The following COL6A5 variants were observed in gnomAD, a reference collection of about 807,000 sequenced individuals.
COL6A5 encodes collagen alpha-5(VI) chain.
A neutral mutation model predicts 65.6 loss-of-function variants in COL6A5; 48 were observed. The ratio of observed to expected loss-of-function variants is 0.73; its 90% CI spans 0.58 to 0.93. COL6A5 has a LOEUF of 0.93. COL6A5 is among the 40% of genes least tolerant of loss of function. The pLI is 0.00. For missense variants in COL6A5, 914 were observed against 928.3 expected, an observed-to-expected ratio of 0.98 and a Z score of 0.20; for synonymous variants, 291 against 322.8, an observed-to-expected ratio of 0.90 and a Z score of 1.05.
intron 5 of COL6A5, among the ~76,000 whole-genome samples, chr3:130,459,327 G>A (rs59688446): frequency 0.032 from 4,932 of 152,046 alleles, 105 homozygotes; most frequent in South Asian, 0.091. Flanking sequence ...TTTATAAATT[G>A]TTTTGTTTTT....
At chr3:130,466,595 G>T (rs1199892485) in intron 5 of COL6A5, among the ~76,000 whole-genome samples, 1 of 151,804 alleles carries the variant, frequency 6.6e-6, no homozygotes, top group East Asian at 1.9e-4. Flanking sequence ...CCCAAGGTAA[G>T]TGGGAGAAAG....
chr3:130,477,389 ACTTTT>A (rs1285962668), intron 7 of COL6A5: 15 of 237,682 alleles, frequency 6.3e-5, no homozygotes, highest in African/African-American at 2.5e-4. Flanking sequence ...AAGAGATTGA[ACTTTT>A]CTTTTCACCT....
upstream of COL6A5, chr3:130,431,170 T>G (rs933818614): frequency 4.6e-5 from 31 of 667,138 alleles, no homozygotes; most frequent in African/African-American, 1.9e-4. Context: ...CACAGAAGAG[T>G]TCCATCAGCT....
chr3:130,408,696 G>A (rs545730538), intron 17 of COL6A5, among the ~76,000 whole-genome samples: 6 of 152,088 alleles, frequency 3.9e-5, no homozygotes, highest in Admixed American at 6.5e-5. Context: ...AGAACCTGCC[G>A]ACATGTGATG....
chr3:130,479,570 G>A (rs1432679963), intron 7 of COL6A5, among the ~76,000 whole-genome samples: 1 of 152,104 alleles, frequency 6.6e-6, no homozygotes, highest in Non-Finnish European at 1.5e-5. Flanking sequence ...TATTTCAACT[G>A]AGAGATGAGA....
intron 4 of COL6A5, among the ~76,000 whole-genome samples, chr3:130,453,384 G>A (rs111605767): frequency 0.027 from 4,063 of 152,092 alleles, 117 homozygotes; most frequent in African/African-American, 0.072. Flanking sequence ...CTCCGTTTGG[G>A]GTCCCTGACT....
rs1238498322 is a variant in COL6A5 at position 130,395,304 on chromosome 3, G to C, written c.3407G>C (p.Cys1136Ser). 3 of 1,551,568 alleles carry C rather than the reference G, an allele frequency of 1.9e-6. No homozygotes were observed. The South Asian group carries it at 3.6e-5, about 18-fold the overall frequency. Residue 1136 changes from cysteine (C) to serine (S), a missense_variant and NMD_transcript_variant, in exon 8 of 42, where the codon TGT becomes TCT. Transcript: ENST00000312481. ...AAAACCCTGAAGGACCTTGGAATTTGTGTCCTGGTTTTGGGCATAGGAGAT... is the reference window on the plus strand; with the variant it reads ...AAAACCCTGAAGGACCTTGGAATTTCTGTCCTGGTTTTGGGCATAGGAGAT...
chr3:130,368,783 A>G (rs759396374), intron 1 of COL6A5, among the ~76,000 whole-genome samples: 1 of 152,206 alleles, frequency 6.6e-6, no homozygotes, highest in African/African-American at 2.4e-5. Flanking sequence ...TGGCACCCAC[A>G]GGATGGACAG....
At chr3:130,426,551 T>A (rs1320187724), upstream of COL6A5, 6 of 824,412 alleles carry the variant, frequency 7.3e-6, no homozygotes, top group Non-Finnish European at 1.2e-5. Context: ...TACTGTAGAA[T>A]ATTGCACATT....
chr3:130,388,343 T>TATGCATGC (rs71620080), intron 5 of COL6A5, among the ~76,000 whole-genome samples: 25,814 of 151,036 alleles, frequency 0.17, 2,885 homozygotes, highest in East Asian at 0.33. Flanking sequence ...ATAAATGAGT[T>TATGCATGC]ATGCATGCAT....
intron 28 of COL6A5, among the ~76,000 whole-genome samples, chr3:130,423,534 C>A (rs567014876): frequency 7.2e-4 from 109 of 152,042 alleles, no homozygotes; most frequent in Non-Finnish European, 1.3e-3. Context: ...CATTAGATGT[C>A]TGTGTACCCT....
At chr3:130,422,181 G>A (rs191487115) in intron 27 of COL6A5, among the ~76,000 whole-genome samples, 43 of 152,078 alleles carry the variant, frequency 2.8e-4, no homozygotes, top group African/African-American at 1.0e-3. Flanking sequence ...GTGCAAAAGG[G>A]ACAATATAAA....
At chr3:130,394,921 C>T (rs1321770521) in exon 8 of COL6A5, 2 of 1,551,058 alleles carry the variant, frequency 1.3e-6, no homozygotes, top group African/African-American at 2.7e-5. Flanking sequence ...ACGTGATTTT[C>T]CTTTGCGATG....
intron 1 of COL6A5, among the ~76,000 whole-genome samples, chr3:130,366,927 C>A (rs1031946363): frequency 1.3e-5 from 2 of 152,152 alleles, no homozygotes; most frequent in Non-Finnish European, 2.9e-5. Context: ...TGTTAGGGGG[C>A]TAATGTTTGT....
chr3:130,417,934 C>T (rs987909713), intron 24 of COL6A5, among the ~76,000 whole-genome samples: 1 of 151,984 alleles, frequency 6.6e-6, no homozygotes, highest in African/African-American at 2.4e-5. Context: ...AAGGTAGTTA[C>T]AAGATAAATA....
exon 6 of COL6A5, chr3:130,388,728 T>G: frequency 6.4e-7 from 1 of 1,551,396 alleles, no homozygotes; most frequent in Non-Finnish European, 8.7e-7. Context: ...TTGGTGTTGT[T>G]CAGTTCAGTG....
intron 31 of COL6A5, 55 bp downstream of exon 31, chr3:130,426,458 G>A (rs1937605040): frequency 6.6e-7 from 1 of 1,508,342 alleles, no homozygotes; most frequent in South Asian, 1.2e-5. Flanking sequence ...AGGCACTTAG[G>A]ACTGTATGCA....
exon 3 of COL6A5, chr3:130,376,606 C>T: frequency 6.2e-7 from 1 of 1,610,112 alleles, no homozygotes; most frequent in Non-Finnish European, 8.5e-7. Context: ...TCGGCTGAGT[C>T]TGAGGATGAA....
chr3:130,358,267 A>C (rs1934993538), intron 1 of COL6A5, among the ~76,000 whole-genome samples: 1 of 152,176 alleles, frequency 6.6e-6, no homozygotes, highest in African/African-American at 2.4e-5. Context: ...ACTTTGTTGA[A>C]GTTCTGGTCA....
Sources: gnomAD v4.1 joint callset for allele counts (sites outside exome capture counted in the v4.1 genomes callset) on GRCh38, gnomAD v4.1.1 for gene constraint, MANE v1.5 for transcripts, NCBI Gene and HGNC (gene_info 2026-07-23, HGNC 2026-07-21) for gene names.